Variants in RIGI observed in about 807,000 individuals in gnomAD.
The protein encoded by RIGI is antiviral innate immune response receptor RIG-I.
the RIGI span, chr9:32,473,098 T>G: frequency 2.1e-6 from 3 of 1,437,250 alleles, no homozygotes; most frequent in South Asian, 3.7e-5. Context: ...AATTGGACAC[T>G]CCTTATAAAT....
chr9:32,467,744 C>G, the RIGI span: 3 of 1,554,076 alleles, frequency 1.9e-6, no homozygotes, highest in Non-Finnish European at 2.6e-6. Context: ...GTAGGAATGG[C>G]CTCAAAGCTT....
At chr9:32,501,469 C>T in the RIGI span, among the ~76,000 whole-genome samples, 3 of 152,094 alleles carry the variant, frequency 2.0e-5, no homozygotes, top group African/African-American at 4.8e-5. Flanking sequence ...GGCATCACTG[C>T]ACTCCAGCCT....
chr9:32,502,616 T>C, the RIGI span, among the ~76,000 whole-genome samples: 1 of 152,236 alleles, frequency 6.6e-6, no homozygotes, highest in Non-Finnish European at 1.5e-5. Context: ...AGGCTTATTC[T>C]CTCTGTTCTT....
At chr9:32,522,419 T>C in the RIGI span, among the ~76,000 whole-genome samples, 1 of 152,202 alleles carries the variant, frequency 6.6e-6, no homozygotes, top group East Asian at 1.9e-4. Context: ...TAAAAATCTG[T>C]TTTCTTTTAT....
chr9:32,476,993 G>A, the RIGI span: 1 of 1,613,450 alleles, frequency 6.2e-7, no homozygotes, highest in Non-Finnish European at 8.5e-7. Flanking sequence ...GTCCACAAGT[G>A]CTCTGGTTTT....
chr9:32,507,553 A>C, the RIGI span, among the ~76,000 whole-genome samples: 1 of 152,064 alleles, frequency 6.6e-6, no homozygotes, highest in South Asian at 2.1e-4. Flanking sequence ...ATTTTATCTT[A>C]ATACTTTCCA....
chr9:32,477,476 G>A, the RIGI span, among the ~76,000 whole-genome samples: 1 of 152,120 alleles, frequency 6.6e-6, no homozygotes, highest in South Asian at 2.1e-4. Context: ...TAGGGAAACA[G>A]TTCAAAAGAT....
chr9:32,505,168 A>G, the RIGI span, among the ~76,000 whole-genome samples: 2 of 150,426 alleles, frequency 1.3e-5, no homozygotes, highest in Admixed American at 1.3e-4. Context: ...AAAATAGGGA[A>G]TAGAGAAAAA....
At chr9:32,465,791 T>A in the RIGI span, among the ~76,000 whole-genome samples, 1 of 152,214 alleles carries the variant, frequency 6.6e-6, no homozygotes, top group African/African-American at 2.4e-5. Context: ...TTTCTTGACT[T>A]TCTCCAATCT....
At chr9:32,471,693 C>T in the RIGI span, among the ~76,000 whole-genome samples, 3 of 152,066 alleles carry the variant, frequency 2.0e-5, no homozygotes, top group African/African-American at 4.8e-5. Flanking sequence ...GTTGAATGAA[C>T]GGATGAATAA....
At chr9:32,477,216 C>T in the RIGI span, 5 of 1,493,278 alleles carry the variant, frequency 3.3e-6, no homozygotes, top group African/African-American at 5.6e-5. Flanking sequence ...GTTCAAACAG[C>T]TGATCTCTAA....
chr9:32,499,316 G>GTTTTTTTTTTTTTTTTTTTTTTT, the RIGI span, among the ~76,000 whole-genome samples: 12 of 57,652 alleles, frequency 2.1e-4, no homozygotes, highest in East Asian at 5.8e-4. Context: ...TTTGTGATTT[G>GTTTTTTTTTTTTTTTTTTTTTTT]TTTTTTTTTT....
At chr9:32,468,896 A>C in the RIGI span, among the ~76,000 whole-genome samples, 1 of 152,284 alleles carries the variant, frequency 6.6e-6, no homozygotes, top group African/African-American at 2.4e-5. Context: ...TCTGCTCACC[A>C]ATCTTGTTTC....
chr9:32,464,022 TGGCTGCAGAGTGACCAGAGAATTCTGG>T, the RIGI span, among the ~76,000 whole-genome samples: 1 of 151,440 alleles, frequency 6.6e-6, no homozygotes, highest in African/African-American at 2.4e-5. Flanking sequence ...CATGTTAAGA[TGGCTGCAGAGTGACCAGAGAATTCTGG>T]GGCGGGGGAT....
At chr9:32,516,083 A>G in the RIGI span, among the ~76,000 whole-genome samples, 1 of 152,214 alleles carries the variant, frequency 6.6e-6, no homozygotes, top group Admixed American at 6.5e-5. Flanking sequence ...CACTTGTTTT[A>G]TCTGAGATCC....
At chr9:32,457,284 G>C in the RIGI span, 1 of 1,614,092 alleles carries the variant, frequency 6.2e-7, no homozygotes, top group Non-Finnish European at 8.5e-7. Flanking sequence ...GGATTCCCCA[G>C]TCATGGCTGC....
chr9:32,457,371 C>T, the RIGI span: 2 of 1,613,814 alleles, frequency 1.2e-6, no homozygotes, highest in Non-Finnish European at 1.7e-6. Flanking sequence ...GTGGTCTACT[C>T]ACAAAGCATT....
chr9:32,458,907 T>TG, the RIGI span, among the ~76,000 whole-genome samples: 4 of 150,102 alleles, frequency 2.7e-5, no homozygotes, highest in African/African-American at 9.9e-5. Flanking sequence ...TTTTTTTTTT[T>TG]GAGACAGAGT....
the RIGI span, among the ~76,000 whole-genome samples, chr9:32,504,712 A>AAT: frequency 6.9e-6 from 1 of 144,836 alleles, no homozygotes; most frequent in Non-Finnish European, 1.5e-5. Context: ...TTATACATTT[A>AAT]ATATATATAA....
Sources: allele counts gnomAD v4.1 joint callset (sites outside exome capture counted in the v4.1 genomes callset), GRCh38; gene constraint gnomAD v4.1.1; transcripts MANE v1.5; gene names NCBI Gene and HGNC (gene_info 2026-07-23, HGNC 2026-07-21).